The following ADAMTSL1 variants were observed in gnomAD, a reference collection of about 807,000 sequenced individuals.
ADAMTSL1 encodes ADAMTS-like protein 1.
A neutral mutation model predicts 201.8 loss-of-function variants in ADAMTSL1; 126 were observed. That is an observed-to-expected ratio of 0.62 (90% CI 0.54 to 0.72). The LOEUF (loss-of-function observed/expected upper bound fraction) is 0.72, where lower values mean the gene tolerates loss of function less well. Ranked by LOEUF, ADAMTSL1 falls within the 30% of genes least tolerant of loss-of-function variation. The pLI is 0.00. For missense variants in ADAMTSL1, 2,679 were observed against 2,277.8 expected, an observed-to-expected ratio of 1.18 and a Z score of -3.59; for synonymous variants, 1,121 against 903.4, an observed-to-expected ratio of 1.24 and a Z score of -4.32.
chr9:18,138,686 A>G (rs1313882969), intron 1 of ADAMTSL1, among the ~76,000 whole-genome samples: 1 of 152,162 alleles, frequency 6.6e-6, no homozygotes, highest in Admixed American at 6.5e-5. Flanking sequence ...AGCGAGTTCT[A>G]GGAGTCCCAG....
intron 2 of ADAMTSL1, among the ~76,000 whole-genome samples, chr9:18,397,943 G>T (rs925519592): frequency 6.6e-6 from 1 of 152,094 alleles, no homozygotes; most frequent in Non-Finnish European, 1.5e-5. Context: ...TATTTTAGAG[G>T]CTAATGCCCA....
intron 26 of ADAMTSL1, among the ~76,000 whole-genome samples, chr9:18,899,753 C>T (rs554976695): frequency 1.0e-3 from 154 of 152,266 alleles, no homozygotes; most frequent in African/African-American, 3.5e-3. Context: ...AAAATTGATA[C>T]TGGACTCCTT....
intron 1 of ADAMTSL1, among the ~76,000 whole-genome samples, chr9:17,972,302 A>G (rs1277630706): frequency 2.0e-5 from 2 of 100,254 alleles, no homozygotes; most frequent in South Asian, 4.5e-4. Flanking sequence ...TCCTAATGCT[A>G]TCCCTCCCCC....
At chr9:18,740,271 T>C (rs1396954557) in intron 15 of ADAMTSL1, among the ~76,000 whole-genome samples, 2 of 152,068 alleles carry the variant, frequency 1.3e-5, no homozygotes, top group Non-Finnish European at 2.9e-5. Context: ...TCTATGAGGC[T>C]GTGAGCTTGA....
In ADAMTSL1 at chr9:18,256,461, T is replaced by C. The variant is rs191489676; in HGVS notation, c.207+92480T>C. On this transcript the variant is annotated intron_variant, in intron 2 of 29. Transcript: ENST00000680146. The stretch of plus-strand genomic sequence containing the variant: ...CAATGAACCCTGAGGTTGGAGGATA[T>C]AGATGCTTAATGGAGCTTGCAAAAG... Among the ~76,000 whole-genome samples the C allele has an allele frequency of 1.1e-3, 171 of 152,284 alleles. 1 individual carries two copies. The highest frequency in any genetic ancestry group is 4.0e-3 in the African/African-American group (168 of 41,554).
At chr9:18,419,511 C>T (rs1031399444) in intron 2 of ADAMTSL1, among the ~76,000 whole-genome samples, 2 of 152,142 alleles carry the variant, frequency 1.3e-5, no homozygotes, top group Admixed American at 6.5e-5. Context: ...ATATTTATAA[C>T]AGCTCCCTTC....
chr9:18,236,750 C>T (rs190260401), intron 2 of ADAMTSL1, among the ~76,000 whole-genome samples: 2 of 152,334 alleles, frequency 1.3e-5, no homozygotes, highest in Admixed American at 6.5e-5. Context: ...AAGAAAAATA[C>T]ACATCCCATT....
chr9:18,410,420 A>C (rs1205422476), intron 2 of ADAMTSL1, among the ~76,000 whole-genome samples: 1 of 151,998 alleles, frequency 6.6e-6, no homozygotes, highest in Non-Finnish European at 1.5e-5. Context: ...GTTCTCCGCC[A>C]TGTGTCCATG....
chr9:18,648,216 C>CT (rs542943254), intron 7 of ADAMTSL1, among the ~76,000 whole-genome samples: 9,002 of 134,970 alleles, frequency 0.067, 510 homozygotes, highest in Admixed American at 0.11. Flanking sequence ...CCAACCCTGC[C>CT]TTTTTTTGTT....
chr9:18,658,659 G>A (rs1172516828), intron 8 of ADAMTSL1, among the ~76,000 whole-genome samples: 3 of 152,230 alleles, frequency 2.0e-5, no homozygotes, highest in South Asian at 4.1e-4. Flanking sequence ...AGCATTTTGT[G>A]TTACTAGAAA....
chr9:18,892,709 G>T, intron 26 of ADAMTSL1, 113 bp downstream of exon 26: 1 of 1,254,962 alleles, frequency 8.0e-7, no homozygotes, highest in Non-Finnish European at 1.1e-6. Context: ...TTCACATTCT[G>T]ATTGGCCAGG....
intron 13 of ADAMTSL1, among the ~76,000 whole-genome samples, chr9:18,697,706 T>C (rs187521383): frequency 2.6e-5 from 4 of 152,286 alleles, no homozygotes; most frequent in Admixed American, 1.3e-4. Context: ...CGGCAATCAG[T>C]TGAAAGTGAG....
rs758189062 is a variant in ADAMTSL1 at position 18,829,924 on chromosome 9, C to T, written c.4196C>T (p.Thr1399Met). The T allele has an allele frequency of 1.6e-5, 26 of 1,613,870 alleles. 1 individual carries two copies. The Middle Eastern group carries it at 6.6e-4, about 41-fold the overall frequency. ...GGACCGAACCTTCCTTCAGTGCTGA[C>T]GTCTCCTCTGGGAACACAGCTGGTC... Reference protein sequence around the residue: ...ATGPNLPSVLTSPLGTQLVLD... With the variant: ...ATGPNLPSVLMSPLGTQLVLD... The change falls in exon 23 of 29, where the codon ACG (threonine) becomes ATG (methionine). Residue 1399 changes from threonine (T) to methionine (M), a missense_variant. Physicochemically the swap from Thr to Met is moderately conservative, Grantham distance 81. Coordinates refer to ENST00000380548, the MANE Select transcript of ADAMTSL1 (RefSeq NM_001040272.6).
chr9:18,464,958 C>G (rs1820947692), intron 2 of ADAMTSL1, among the ~76,000 whole-genome samples: 1 of 152,178 alleles, frequency 6.6e-6, no homozygotes, highest in Non-Finnish European at 1.5e-5. Flanking sequence ...AGTGATAGAG[C>G]TCTCATTATC....
chr9:18,285,463 A>T (rs1832956561), intron 2 of ADAMTSL1, among the ~76,000 whole-genome samples: 1 of 152,138 alleles, frequency 6.6e-6, no homozygotes, highest in Non-Finnish European at 1.5e-5. Context: ...TCTGACATTA[A>T]TTGTAGAGTT....
At chr9:18,006,157 C>T (rs533387227) in intron 1 of ADAMTSL1, among the ~76,000 whole-genome samples, 9 of 151,930 alleles carry the variant, frequency 5.9e-5, no homozygotes, top group East Asian at 2.0e-4. Flanking sequence ...TTTCAAGCTA[C>T]GAATGTGATA....
chr9:18,460,403 C>G (rs1820765276), intron 2 of ADAMTSL1, among the ~76,000 whole-genome samples: 1 of 152,156 alleles, frequency 6.6e-6, no homozygotes, highest in Admixed American at 6.6e-5. Context: ...TCAATTTCAA[C>G]TTCTTCAGCC....
intron 1 of ADAMTSL1, among the ~76,000 whole-genome samples, chr9:18,144,809 G>C (rs1448643878): frequency 6.6e-6 from 1 of 152,108 alleles, no homozygotes; most frequent in African/African-American, 2.4e-5. Flanking sequence ...CTTTCATTCA[G>C]GTGAGTACTC....
intron 15 of ADAMTSL1, chr9:18,722,967 G>C: frequency 1.3e-6 from 1 of 763,058 alleles, no homozygotes; most frequent in South Asian, 1.4e-5. Context: ...TAAATGTGTG[G>C]GCAAAGGGCA....
Sources: gnomAD v4.1 joint callset for allele counts (sites outside exome capture counted in the v4.1 genomes callset) on GRCh38, gnomAD v4.1.1 for gene constraint, MANE v1.5 for transcripts, NCBI Gene and HGNC (gene_info 2026-07-23, HGNC 2026-07-21) for gene names.